The following FBXO11 variants were observed in gnomAD, a reference collection of about 807,000 sequenced individuals.
The protein encoded by FBXO11 is F-box only protein 11.
Under a neutral mutation model 117.0 loss-of-function variants are expected in FBXO11, and 13 were observed. The ratio of observed to expected loss-of-function variants is 0.11; its 90% CI spans 0.07 to 0.18. The LOEUF (loss-of-function observed/expected upper bound fraction) is 0.18. FBXO11 is among the 10% of genes least tolerant of loss of function. The pLI is 1.00. For missense variants in FBXO11, 767 were observed against 1,164.4 expected, an observed-to-expected ratio of 0.66 and a Z score of 4.97; for synonymous variants, 490 against 380.5, an observed-to-expected ratio of 1.29 and a Z score of -3.35.
intron 1 of FBXO11, among the ~76,000 whole-genome samples, chr2:47,898,337 T>C (rs775227082): frequency 6.6e-6 from 1 of 152,294 alleles, no homozygotes; most frequent in African/African-American, 2.4e-5. Context: ...ACCAAACATA[T>C]ATAAAAACTC....
intron 1 of FBXO11, among the ~76,000 whole-genome samples, chr2:47,898,877 T>C (rs1677878319): frequency 6.6e-6 from 1 of 152,278 alleles, no homozygotes; most frequent in South Asian, 2.1e-4. Context: ...TATAAATCAA[T>C]TTTGAAATTT....
chr2:47,902,457 A>C (rs1359325027), intron 1 of FBXO11, among the ~76,000 whole-genome samples: 1 of 152,194 alleles, frequency 6.6e-6, no homozygotes, highest in African/African-American at 2.4e-5. Flanking sequence ...ATTTTAATCT[A>C]TAGGGTCTAG....
Position 47,839,434 on chromosome 2 carries a change from A to G in FBXO11, c.427T>C (p.Ser143Pro), listed in dbSNP as rs1284695050. ...CAGGAAATACCTGATAGATCTTGTG[A>G]TTTTCCAGACACTCTTGCACGTTTT... Reference protein sequence around the residue: ...RAKRARVSGKSQDLSAAPAEQ... With the variant: ...RAKRARVSGKPQDLSAAPAEQ... Residue 143 changes from serine (S) to proline (P), a missense_variant, in exon 3 of 23, where the codon TCA becomes CCA. By Grantham distance (74) the Ser-to-Pro change is moderately conservative (BLOSUM62 -1). Transcript: ENST00000403359. 6.2e-7 allele frequency: 1 copy of G among 1,612,696 alleles called. No individual in the cohort carries two copies. The highest frequency in any genetic ancestry group is 8.5e-7 in the Non-Finnish European group (1 of 1,179,724).
At chr2:47,901,130 T>C (rs1311913609) in intron 1 of FBXO11, among the ~76,000 whole-genome samples, 1 of 111,946 alleles carries the variant, frequency 8.9e-6, no homozygotes, top group African/African-American at 3.2e-5. Flanking sequence ...CGTGTGTACA[T>C]GTATATATAT....
intron 1 of FBXO11, among the ~76,000 whole-genome samples, chr2:47,873,758 T>G (rs978991279): frequency 6.6e-6 from 1 of 152,230 alleles, no homozygotes; most frequent in Non-Finnish European, 1.5e-5. Context: ...TCTGTTCTTG[T>G]GGGTTTATGC....
chr2:47,863,714 G>A (rs1434241550), intron 1 of FBXO11, among the ~76,000 whole-genome samples: 1 of 152,184 alleles, frequency 6.6e-6, no homozygotes, highest in Non-Finnish European at 1.5e-5. Context: ...CCTACGGTGG[G>A]CAGATCACTT....
Position 47,810,386 on chromosome 2 carries a change from T to G in FBXO11, c.2268A>C (p.Ala756=), listed in dbSNP as rs775164290. The part of the protein sequence containing the change: ...EENDIFRNAQ[A]GVLISTNSHP... ...GACTATTAGTGCTGATGAGAACACC[T>G]GCTTGAGCATTCCTGAAAATATCAT... The change falls in exon 19 of 23, where the codon GCA becomes GCC. Residue 756 remains alanine, a synonymous_variant. Coordinates refer to ENST00000403359, the MANE Select transcript of FBXO11 (RefSeq NM_001190274.2). The G allele has an allele frequency of 1.6e-5, 25 of 1,611,004 alleles. No individual in the cohort carries two copies. Among genetic ancestry groups the G allele is most frequent in the Non-Finnish European group, 2.1e-5 (25 of 1,178,920 alleles).
chr2:47,900,794 A>ATC (rs1678151389), intron 1 of FBXO11, among the ~76,000 whole-genome samples: 3 of 107,340 alleles, frequency 2.8e-5, no homozygotes, highest in Admixed American at 9.1e-5. Context: ...ACACGTGTAT[A>ATC]TATATACACG....
At chr2:47,868,241 C>G (rs916413635) in intron 1 of FBXO11, among the ~76,000 whole-genome samples, 1 of 149,572 alleles carries the variant, frequency 6.7e-6, no homozygotes, top group Non-Finnish European at 1.5e-5. Flanking sequence ...CGAGATCGCG[C>G]CACTGCACTA....
intron 4 of FBXO11, among the ~76,000 whole-genome samples, chr2:47,837,797 C>G (rs1013504740): frequency 6.6e-6 from 1 of 152,072 alleles, no homozygotes; most frequent in Non-Finnish European, 1.5e-5. Flanking sequence ...GTGGCACGAT[C>G]ACGGCTTTCT....
At chr2:47,899,750 G>C (rs182336690) in intron 1 of FBXO11, among the ~76,000 whole-genome samples, 1 of 152,208 alleles carries the variant, frequency 6.6e-6, no homozygotes, top group East Asian at 1.9e-4. Context: ...TGGAAGATAA[G>C]AATATATTTC....
In FBXO11 at chr2:47,900,647, CACACGTATACACACACGTACGTATAT is replaced by C. The variant is rs1558486682; in HGVS notation, c.232+4816_232+4841del. Among the ~76,000 whole-genome samples, 143 of 87,222 alleles carry C rather than the reference CACACGTATACACACACGTACGTATAT, an allele frequency of 1.6e-3. 13 individuals carry two copies. In the South Asian group the frequency reaches 0.017, roughly 11 times the overall value. The allele number at this position is 87,222 out of a possible 152,430, so 57.2% of individuals were successfully genotyped here. On this transcript the variant is annotated intron_variant, in intron 1 of 22. Coordinates refer to ENST00000403359, the MANE Select transcript of FBXO11 (RefSeq NM_001190274.2). ...ACGTATACACACACGTACGTATATA[CACACGTATACACACACGTACGTATAT>C]ACACACGTATACACACACGTATACA...
chr2:47,884,258 A>G (rs1434603225), intron 1 of FBXO11, among the ~76,000 whole-genome samples: 18 of 152,280 alleles, frequency 1.2e-4, no homozygotes, highest in Non-Finnish European at 5.9e-5. Flanking sequence ...AATACAGAGA[A>G]AAGCTGGTTC....
chr2:47,854,400 C>T (rs1674108129), intron 1 of FBXO11, among the ~76,000 whole-genome samples: 1 of 151,646 alleles, frequency 6.6e-6, no homozygotes, highest in African/African-American at 2.4e-5. Context: ...ACAACTTTCC[C>T]ATCTTAGACT....
intron 7 of FBXO11, among the ~76,000 whole-genome samples, chr2:47,833,961 C>G (rs1336868719): frequency 6.6e-6 from 1 of 152,176 alleles, no homozygotes; most frequent in Non-Finnish European, 1.5e-5. Flanking sequence ...AGCCACCACA[C>G]CTGGCTGCAT....
chr2:47,873,651 G>A (rs1308916785), intron 1 of FBXO11, among the ~76,000 whole-genome samples: 3 of 152,108 alleles, frequency 2.0e-5, no homozygotes, highest in African/African-American at 7.2e-5. Context: ...TTCCATACCT[G>A]CCGGCTGTTT....
At chr2:47,824,536 A>T (rs1272945384) in intron 11 of FBXO11, among the ~76,000 whole-genome samples, 1 of 152,186 alleles carries the variant, frequency 6.6e-6, no homozygotes, top group African/African-American at 2.4e-5. Flanking sequence ...AATAAGAGCA[A>T]TTTTTTTAAA....
At position 47,905,779 on chromosome 2, in the gene FBXO11, G is replaced by T; in HGVS notation, c.-59C>A. 7.0e-7 allele frequency: 1 copy of T among 1,429,954 alleles called. No individual in the cohort carries two copies. Among genetic ancestry groups the T allele is most frequent in the Non-Finnish European group, 9.2e-7 (1 of 1,083,562 alleles). The allele number at this position is 1,429,954 out of a possible 1,614,324, so 88.6% of individuals were successfully genotyped here. On this transcript the variant is annotated 5_prime_UTR_variant, in exon 1 of 23. Coordinates refer to ENST00000403359, the MANE Select transcript of FBXO11 (RefSeq NM_001190274.2). ...ACACACACACGCACACGCACAGCGA[G>T]CTTCGGGGCAGGAGAAAGGGGTGGG...
intron 1 of FBXO11, among the ~76,000 whole-genome samples, chr2:47,873,435 C>T (rs150546417): frequency 3.4e-4 from 52 of 151,756 alleles, no homozygotes; most frequent in Non-Finnish European, 6.0e-4. Context: ...TTGCCCTACA[C>T]GTGGCCCTCA....
Sources: gnomAD v4.1 joint callset for allele counts (sites outside exome capture counted in the v4.1 genomes callset) on GRCh38, gnomAD v4.1.1 for gene constraint, MANE v1.5 for transcripts, NCBI Gene and HGNC (gene_info 2026-07-23, HGNC 2026-07-21) for gene names.